Variants in KLK5 observed in about 807,000 individuals in gnomAD.
KLK5 encodes the protein kallikrein related peptidase 5.
A neutral mutation model predicts 24.0 loss-of-function variants in KLK5; 18 were observed. The observed-to-expected ratio is 0.75, with a 90% CI of 0.52 to 1.11. KLK5 has a LOEUF of 1.11. Ranked by LOEUF, KLK5 falls within the 50% of genes most tolerant of loss-of-function variation. The probability of loss-of-function intolerance (pLI) is 0.00; values close to 1 mark genes in which losing one functional copy is unlikely to be tolerated. For synonymous variants in KLK5, 140 were observed against 154.0 expected, an observed-to-expected ratio of 0.91 and a Z score of 0.67; for missense variants, 374 against 379.2, an observed-to-expected ratio of 0.99 and a Z score of 0.11.
In KLK5 at chr19:50,950,063, G is replaced by T; in HGVS notation, c.127C>A (p.Pro43Thr). The change falls in exon 3 of 6, where the codon CCC becomes ACC. Residue 43 changes from proline to threonine, a missense_variant. Coordinates refer to ENST00000336334, the MANE Select transcript of KLK5 (RefSeq NM_012427.5). ...VSCDHPSNTV[P>T]SGSNQDLGAG... ...CCCAGGTCCTGGTTGCTCCCAGAGG[G>T]CACGGTGTTAGAGGGGTGGTCACAG... 1 of 1,613,754 alleles carries T rather than the reference G, an allele frequency of 6.2e-7. No individual in the cohort carries two copies. The highest frequency in any genetic ancestry group is 8.5e-7 in the Non-Finnish European group (1 of 1,179,950).
Position 50,949,020 on chromosome 19 carries a change from C to T in KLK5, c.431G>A (p.Gly144Asp), listed in dbSNP as rs1169897158. 6.2e-7 allele frequency: 1 copy of T among 1,613,874 alleles called. No individual in the cohort carries two copies. The highest frequency in any genetic ancestry group is 8.5e-7 in the Non-Finnish European group (1 of 1,179,970). The stretch of plus-strand genomic sequence containing the variant: ...GTTAGAGTGGCCAGGGTGGGAGTAG[C>T]CAGGGTGGGGGATGGATTTGACCCC... ...FQGVKSIPHP[G>D]YSHPGHSNDL... Residue 144 changes from glycine (G) to aspartate (D), a missense_variant, in exon 4 of 6, where the codon GGC becomes GAC. Transcript: ENST00000336334.
chr19:50,945,039 T>C lies in KLK5; in HGVS notation c.727-1253A>G, dbSNP rs1001869792. Among the ~76,000 whole-genome samples the C allele has an allele frequency of 1.0e-3, 148 of 142,060 alleles. 1 individual carries two copies. Among genetic ancestry groups the C allele is most frequent in the South Asian group, 9.7e-3 (43 of 4,442 alleles). The allele number at this position is 142,060 out of a possible 152,430, so 93.2% of individuals were successfully genotyped here. ...CTTTCTCCTTCCTTCCTTCCTTTCT[T>C]TCTCCTTCCTTCCTTTCTTTCTCCT... On this transcript the variant is annotated intron_variant, in intron 5 of 5. Coordinates refer to ENST00000336334, the MANE Select transcript of KLK5 (RefSeq NM_012427.5).
rs752151149 is a variant in KLK5 at position 50,948,815 on chromosome 19, G to A, written c.593-42C>T. 4 of 1,614,084 alleles carry A rather than the reference G, an allele frequency of 2.5e-6. No individual in the cohort carries two copies. In the South Asian group the frequency reaches 3.3e-5, roughly 13 times the overall value. Reference sequence around the variant, plus strand: ...CAATGAGAAGTGGAGAAAGATGGAAGGCGGCAGAGATGGGTCGGTATCAAG... The same window carrying A: ...CAATGAGAAGTGGAGAAAGATGGAAAGCGGCAGAGATGGGTCGGTATCAAG... On this transcript the variant is annotated intron_variant, in intron 4 of 5. Coordinates refer to ENST00000336334, the MANE Select transcript of KLK5 (RefSeq NM_012427.5).
chr19:50,949,517 T>C (rs911963881), intron 3 of KLK5, among the ~76,000 whole-genome samples: 1 of 148,602 alleles, frequency 6.7e-6, no homozygotes, highest in South Asian at 2.2e-4. Flanking sequence ...CAATTCCACC[T>C]CCATCCCAAA....
rs928423558 is a variant in KLK5, at chr19:50,947,875, T to C, written c.726+765A>G. Among the ~76,000 whole-genome samples the C allele has an allele frequency of 6.6e-6, 1 of 152,184 alleles. No homozygotes were observed. Among genetic ancestry groups the C allele is most frequent in the Non-Finnish European group, 1.5e-5 (1 of 68,024 alleles). ...AACAGCCCTGATCTTTCCCTCTAGA[T>C]CCGTGCCATCCAATACAGTAACTGC... On this transcript the variant is annotated intron_variant, in intron 5 of 5. Transcript: ENST00000336334. This position sits in a 1 kb window ranked among gnomAD's most constrained non-coding sequence, Gnocchi z 8.7.
rs921591747 is a variant in KLK5 at position 50,946,427 on chromosome 19, C to T, written c.726+2213G>A. ...GCTTGTAGCTTTTAGTGGCCACACCCAGACCACACACCGGTATGAAAAAAC... is the reference window on the plus strand; with the variant it reads ...GCTTGTAGCTTTTAGTGGCCACACCTAGACCACACACCGGTATGAAAAAAC... On this transcript the variant is annotated intron_variant, in intron 5 of 5. Transcript: ENST00000336334. Among the ~76,000 whole-genome samples the T allele has an allele frequency of 1.9e-4, 27 of 143,656 alleles. No individual in the cohort carries two copies. In the South Asian group the frequency reaches 3.6e-3, roughly 19 times the overall value. 94.2% of individuals were successfully genotyped at this position (143,656 alleles called of 152,430 possible).
intron 5 of KLK5, among the ~76,000 whole-genome samples, chr19:50,948,050 T>C (rs760927828): frequency 9.9e-5 from 15 of 152,190 alleles, no homozygotes; most frequent in Non-Finnish European, 1.8e-4. Context: ...TTATATTAAT[T>C]ACACTTTGAA....
chr19:50,950,355 C>G, intron 2 of KLK5: 1 of 574,578 alleles, frequency 1.7e-6, no homozygotes, highest in Non-Finnish European at 3.1e-6. Flanking sequence ...CTGGAATTGG[C>G]TAGAACTACA....
rs10650166 is a variant in KLK5 at position 50,950,890 on chromosome 19, CAAAAAAA to C, written c.74-781_74-775del. On this transcript the variant is annotated intron_variant, in intron 2 of 5. Coordinates refer to ENST00000336334, the MANE Select transcript of KLK5 (RefSeq NM_012427.5). ...CTGGGAGAGAGAGCAAGACTGTCTC[CAAAAAAA>C]AAAAAAAAAAAGCTCTGACTTTGAA... 6.0e-5 allele frequency among the ~76,000 whole-genome samples: 6 copies of C among 99,978 alleles called. No individual in the cohort carries two copies. In the East Asian group the frequency reaches 1.8e-3, roughly 30 times the overall value. 65.6% of individuals were successfully genotyped at this position (99,978 alleles called of 152,430 possible). A position where few individuals can be genotyped will look rare whatever the true frequency, so the allele number is the denominator to read the frequency against.
chr19:50,944,653 C>G (rs2090615444), intron 5 of KLK5, among the ~76,000 whole-genome samples: 1 of 152,212 alleles, frequency 6.6e-6, no homozygotes, highest in East Asian at 1.9e-4. Context: ...GCATCTGAAG[C>G]TGGATAATGG....
Position 50,950,004 on chromosome 19 carries a change from GTCA to G in KLK5, c.183_185del (p.Asp62del), listed in dbSNP as rs2090672264. On this transcript the variant is annotated inframe_deletion, in exon 3 of 6. Transcript: ENST00000336334. The stretch of plus-strand genomic sequence containing the variant: ...ATCCATTGATGATGCGGCTGCTGCT[GTCA>G]TCCGACCGGGCGTCTTCCCCGGCCC... The G allele has an allele frequency of 1.2e-6, 2 of 1,613,522 alleles. No homozygotes were observed. The highest frequency in any genetic ancestry group is 1.3e-5 in the African/African-American group (1 of 74,808).
intron 2 of KLK5, 32 bp from the exon 3 acceptor site, chr19:50,950,148 A>C: frequency 1.4e-6 from 2 of 1,433,736 alleles, no homozygotes; most frequent in Non-Finnish European, 1.9e-6. Context: ...GGCGGGGCTC[A>C]GAGGCGGGGC....
At chr19:50,951,095 C>T (rs2090683799) in intron 2 of KLK5, among the ~76,000 whole-genome samples, 1 of 151,930 alleles carries the variant, frequency 6.6e-6, no homozygotes, top group African/African-American at 2.4e-5. Flanking sequence ...AAGAAGGGCT[C>T]AGCTTAGGGG....
chr19:50,944,664 T>C (rs926479821), intron 5 of KLK5, among the ~76,000 whole-genome samples: 7 of 152,150 alleles, frequency 4.6e-5, no homozygotes, highest in Non-Finnish European at 8.8e-5. Flanking sequence ...TGGATAATGG[T>C]TTGTTGTGGA....
At chr19:50,950,156 G>C in intron 2 of KLK5, 40 bp from the exon 3 acceptor site, 3 of 1,588,176 alleles carry the variant, frequency 1.9e-6, no homozygotes, top group Non-Finnish European at 2.6e-6. Flanking sequence ...TCAGAGGCGG[G>C]GCTTGGGCTG....
intron 2 of KLK5, 73 bp from the exon 3 acceptor site, chr19:50,950,189 G>T: frequency 6.8e-7 from 1 of 1,477,868 alleles, no homozygotes; most frequent in Non-Finnish European, 9.2e-7. Flanking sequence ...AGACTCAAGA[G>T]GCCAGACCAG....
intron 3 of KLK5, 137 bp from the exon 4 acceptor site, chr19:50,949,252 G>A: frequency 2.7e-6 from 2 of 752,558 alleles, no homozygotes; most frequent in South Asian, 3.6e-5. Context: ...CTCCCTCTTG[G>A]TCTCCAATCC....
rs1199568263 is a variant in KLK5, at chr19:50,948,191, A to G, written c.726+449T>C. 2.0e-5 allele frequency among the ~76,000 whole-genome samples: 3 copies of G among 151,710 alleles called. No homozygotes were observed. The East Asian group carries it at 5.8e-4, about 29-fold the overall frequency. On this transcript the variant is annotated intron_variant, in intron 5 of 5. Coordinates refer to ENST00000336334, the MANE Select transcript of KLK5 (RefSeq NM_012427.5). ...AGGTTGGAGTGAGTGGCACGATCTCAGCTCACTGCAACCTCCACCTCCTGG... is the reference window on the plus strand; with the variant it reads ...AGGTTGGAGTGAGTGGCACGATCTCGGCTCACTGCAACCTCCACCTCCTGG...
chr19:50,952,442 C>T (rs1433257945), intron 2 of KLK5, 143 bp downstream of exon 2: 1 of 529,432 alleles, frequency 1.9e-6, no homozygotes, highest in Non-Finnish European at 3.2e-6. Context: ...GATCGCACAA[C>T]CACAAGTACA....
Sources: gnomAD v4.1 joint callset for allele counts (sites outside exome capture counted in the v4.1 genomes callset) on GRCh38, gnomAD v4.1.1 for gene constraint, Gnocchi (gnomAD v3.1) non-coding constraint, MANE v1.5 for transcripts, NCBI Gene and HGNC (gene_info 2026-07-23, HGNC 2026-07-21) for gene names.